PLXNB2: variants seen among roughly 807,000 people sequenced by gnomAD.
The protein encoded by PLXNB2 is plexin B2, also known as plexin-B2.
Under a neutral mutation model 202.6 loss-of-function variants are expected in PLXNB2, and 85 were observed. The observed-to-expected ratio is 0.42, with a 90% CI of 0.35 to 0.50. PLXNB2 has a LOEUF of 0.50. Ranked by LOEUF, PLXNB2 falls within the 20% of genes least tolerant of loss-of-function variation. The pLI, the probability that PLXNB2 is intolerant of heterozygous loss-of-function variation, is 0.02. For missense variants in PLXNB2, 2,063 were observed against 2,586.2 expected (o/e 0.80, Z 4.39); for synonymous variants, 1,239 against 1,137.6 (o/e 1.09, Z -1.79).
At position 50,307,634 on chromosome 22, in the gene PLXNB2, G is replaced by T. The variant is rs866059344; in HGVS notation, c.-155C>A. Reference sequence around the variant, plus strand: ...TGGCCCGCGCTGCTGCCATGGAGACGGGGCCTTTGTGTGGCCGAGGAGGGG... The same window carrying T: ...TGGCCCGCGCTGCTGCCATGGAGACTGGGCCTTTGTGTGGCCGAGGAGGGG... On this transcript the variant is annotated 5_prime_UTR_variant, in exon 1 of 37. Transcript: ENST00000359337. 2 of 981,534 alleles carry T rather than the reference G, an allele frequency of 2.0e-6. No homozygotes were observed. The highest frequency in any genetic ancestry group is 2.4e-6 in the Non-Finnish European group (2 of 828,390). The allele number at this position is 981,534 out of a possible 1,614,324, so 60.8% of individuals were successfully genotyped here.
rs370864073 is a variant in PLXNB2 at position 50,276,874 on chromosome 22, C to T, written c.5229G>A (p.Lys1743=). The change falls in exon 34 of 37, where the codon AAG becomes AAA. Residue 1743 remains lysine (K), a synonymous_variant. Transcript: ENST00000359337. The part of the protein sequence containing the change: ...DSPSNKLLYA[K]EISTYKKMVE... ...CCATCTTCTTGTAGGTGGAGATCTC[C>T]TTGGCGTACAGCAGCTTGTTGCTGG... The T allele has an allele frequency of 3.7e-6, 6 of 1,604,598 alleles. No homozygotes were observed. Among genetic ancestry groups the T allele is most frequent in the Non-Finnish European group, 5.1e-6 (6 of 1,175,514 alleles).
Position 50,283,607 on chromosome 22 carries a change from G to A in PLXNB2, c.2565C>T (p.Ser855=), listed in dbSNP as rs367824090. The A allele has an allele frequency of 1.2e-4, 197 of 1,612,476 alleles. No individual in the cohort carries two copies. Among genetic ancestry groups the A allele is most frequent in the Non-Finnish European group, 1.5e-4 (178 of 1,179,888 alleles). ...CSFQPERYSV[S]TRIVCVIEAA... ...GACCAGGGCCGTCCACTCACCGGGTGGACACGGAGTAACGTTCCGGCTGAA... is the reference window on the plus strand; with the variant it reads ...GACCAGGGCCGTCCACTCACCGGGTAGACACGGAGTAACGTTCCGGCTGAA... Residue 855 remains serine, a synonymous_variant, in exon 15 of 37, where the codon TCC becomes TCT. Coordinates refer to ENST00000359337, the MANE Select transcript of PLXNB2 (RefSeq NM_012401.4).
Position 50,294,708 on chromosome 22 carries a change from G to T in PLXNB2, c.-14+11C>A, listed in dbSNP as rs958589289. On this transcript the variant is annotated intron_variant, in intron 2 of 36. Coordinates refer to ENST00000359337, the MANE Select transcript of PLXNB2 (RefSeq NM_012401.4). ...CAGCCACCCACTGCCTTTCCCAGGT[G>T]GGGTACAGACCCCTCACCGAGGCTC... 1.0e-6 allele frequency: 1 copy of T among 983,158 alleles called. No homozygotes were observed. The highest frequency in any genetic ancestry group is 1.1e-4 in the East Asian group (1 of 8,820). The allele number at this position is 983,158 out of a possible 1,614,324, so 60.9% of individuals were successfully genotyped here.
Position 50,288,051 on chromosome 22 carries a change from GC to G in PLXNB2, c.1381-15del, listed in dbSNP as rs1274912966. On this transcript the variant is annotated splice_polypyrimidine_tract_variant and intron_variant, in intron 5 of 36. Transcript: ENST00000359337. This position sits in a 1 kb window ranked among gnomAD's most constrained non-coding sequence, Gnocchi z 5.0. ...CAGCCGGAACACCTAGGGCAGCGGG[GC>G]CGTGAGTGGGACCACAGCAGAGGCC... is the stretch of plus-strand genomic sequence containing the variant. 1 of 1,545,378 alleles carries G rather than the reference GC, an allele frequency of 6.5e-7. No individual in the cohort carries two copies. Among genetic ancestry groups the G allele is most frequent in the African/African-American group, 1.4e-5 (1 of 72,924 alleles).
Position 50,289,549 on chromosome 22 carries a change from G to C in PLXNB2, c.1036C>G (p.His346Asp). ...TGGCCGCCGCACTGGATATCGCCGT[G>C]GAAGGGCTTGTAGAAGATGTCACGG... ...EARDIFYKPFHGDIQCGGHAP... is the reference protein window; with the variant it reads ...EARDIFYKPFDGDIQCGGHAP... Residue 346 changes from histidine (H) to aspartate (D), a missense_variant, in exon 3 of 37, where the codon CAC becomes GAC. Transcript: ENST00000359337. This position sits in a 1 kb window ranked among gnomAD's most constrained non-coding sequence, Gnocchi z 8.0. 6.2e-7 allele frequency: 1 copy of C among 1,611,896 alleles called. No homozygotes were observed. The highest frequency in any genetic ancestry group is 8.5e-7 in the Non-Finnish European group (1 of 1,179,790).
chr22:50,303,705 C>G (rs2067790102), intron 1 of PLXNB2, among the ~76,000 whole-genome samples: 1 of 152,238 alleles, frequency 6.6e-6, no homozygotes, highest in Non-Finnish European at 1.5e-5. Context: ...CAGGGCCCCC[C>G]ATGGAAGCTG....
In PLXNB2 at chr22:50,290,558, G is replaced by T. The variant is rs780833342; in HGVS notation, c.27C>A (p.Thr9=). MALQLWAL[T]LLGLLGAGAS... ...CACCTGCGCCCAGCAGGCCCAGCAG[G>T]GTCAGGGCCCAGAGCTGCAGTGCCA... Residue 9 remains threonine (T), a synonymous_variant, in exon 3 of 37, where the codon ACC becomes ACA. Coordinates refer to ENST00000359337, the MANE Select transcript of PLXNB2 (RefSeq NM_012401.4). 14 of 1,610,464 alleles carry T rather than the reference G, an allele frequency of 8.7e-6. No homozygotes were observed. The highest frequency in any genetic ancestry group is 5.0e-5 in the Admixed American group (3 of 59,880).
Position 50,277,893 on chromosome 22 carries a change from T to C in PLXNB2, c.5008A>G (p.Ile1670Val), listed in dbSNP as rs1326950017. 1.2e-6 allele frequency: 2 copies of C among 1,613,096 alleles called. No homozygotes were observed. The highest frequency in any genetic ancestry group is 2.7e-5 in the African/African-American group (2 of 75,048). ...FLDEQAEKHN[I>V]QDEDTIHIWK... ...ATGTGGATGGTGTCTTCATCCTGGA[T>C]GTTGTGCTTCTCTGCCTGCTCGTCC... is the stretch of plus-strand genomic sequence containing the variant. The change falls in exon 32 of 37, where the codon ATC becomes GTC. Residue 1670 changes from isoleucine to valine, a missense_variant. Transcript: ENST00000359337.
chr22:50,286,321 C>A (rs369395424), intron 8 of PLXNB2, 34 bp from the exon 9 acceptor site: 3 of 1,524,310 alleles, frequency 2.0e-6, no homozygotes, highest in Non-Finnish European at 1.8e-6. Context: ...GTCAAGGTGG[C>A]GGCCGCAGGG....
At position 50,307,542 on chromosome 22, in the gene PLXNB2, G is replaced by C. The variant is rs561023386; in HGVS notation, c.-74+11C>G. The C allele has an allele frequency of 4.2e-4, 412 of 981,212 alleles. No homozygotes were observed. Among genetic ancestry groups the C allele is most frequent in the Middle Eastern group, 5.3e-4 (1 of 1,904 alleles). The allele number at this position is 981,212 out of a possible 1,614,324, so 60.8% of individuals were successfully genotyped here. A position where few individuals can be genotyped will look rare whatever the true frequency, so the allele number is the denominator to read the frequency against. ...GACGTCCCCCGCAGCCCAGTCCCCCGAGCTCGGTACCTGCACGTCCGCCGC... is the reference window on the plus strand; with the variant it reads ...GACGTCCCCCGCAGCCCAGTCCCCCCAGCTCGGTACCTGCACGTCCGCCGC... On this transcript the variant is annotated intron_variant, in intron 1 of 36. Transcript: ENST00000359337.
In PLXNB2 at chr22:50,288,731, C is replaced by T. The variant is rs778899723; in HGVS notation, c.1380+12G>A. The T allele has an allele frequency of 1.6e-5, 25 of 1,612,292 alleles. No homozygotes were observed. The highest frequency in any genetic ancestry group is 1.7e-4 in the Middle Eastern group (1 of 5,926). On this transcript the variant is annotated intron_variant, in intron 5 of 36. Coordinates refer to ENST00000359337, the MANE Select transcript of PLXNB2 (RefSeq NM_012401.4). The surrounding 1 kb of genome is among the most constrained non-coding windows in gnomAD (Gnocchi z 5.0). ...TGGCCTAGAGTGCTCTCCGGGGCTG[C>T]GTCTGGCTCACCTTGTCCTGGGTCA...
intron 35 of PLXNB2, 50 bp from the exon 36 acceptor site, chr22:50,276,013 A>C: frequency 6.5e-7 from 1 of 1,527,136 alleles, no homozygotes; most frequent in Non-Finnish European, 9.1e-7. Flanking sequence ...TGGGAGCCCC[A>C]GGGCTGGCAG....
rs755422618 is a variant in PLXNB2, at chr22:50,282,691, C to CG, written c.2987+19dup. ...GCTGGGTGTGGGGAGCAGAGGGGGGCGGGGGGACACCAGCCTCACCTGGCA... is the reference window on the plus strand; with the variant it reads ...GCTGGGTGTGGGGAGCAGAGGGGGGCGGGGGGGACACCAGCCTCACCTGGCA... On this transcript the variant is annotated intron_variant, in intron 18 of 36. Transcript: ENST00000359337. The CG allele has an allele frequency of 3.9e-6, 6 of 1,557,150 alleles. No individual in the cohort carries two copies. Among genetic ancestry groups the CG allele is most frequent in the Non-Finnish European group, 5.3e-6 (6 of 1,140,734 alleles).
At chr22:50,277,781 G>A (rs371200732) in intron 32 of PLXNB2, 43 bp from the exon 33 acceptor site, 45 of 1,597,644 alleles carry the variant, frequency 2.8e-5, no homozygotes, top group Middle Eastern at 1.7e-4. Flanking sequence ...GCTGGGCCGC[G>A]GGGTGGGTGT....
chr22:50,279,123 A>G, intron 27 of PLXNB2, 112 bp from the exon 28 acceptor site: 1 of 1,141,416 alleles, frequency 8.8e-7, no homozygotes, highest in Non-Finnish European at 1.2e-6. Flanking sequence ...ACCCTTGGGC[A>G]GCAGGCCCCC....
In PLXNB2 at chr22:50,282,884, G is replaced by A; in HGVS notation, c.2817-3C>T. ...GGAGCTGCGCCCCAAACTTCGTCCT[G>A]GGGGAGGGAGGGTGCTGGTCTGCAT... On this transcript the variant is annotated splice_region_variant and splice_polypyrimidine_tract_variant and intron_variant, in intron 17 of 36. Coordinates refer to ENST00000359337, the MANE Select transcript of PLXNB2 (RefSeq NM_012401.4). 6.2e-7 allele frequency: 1 copy of A among 1,606,392 alleles called. No individual in the cohort carries two copies. Among genetic ancestry groups the A allele is most frequent in the Non-Finnish European group, 8.5e-7 (1 of 1,175,662 alleles).
chr22:50,281,267 G>T, intron 22 of PLXNB2, 78 bp from the exon 23 acceptor site: 1 of 1,570,274 alleles, frequency 6.4e-7, no homozygotes, highest in Non-Finnish European at 8.7e-7. Flanking sequence ...GGATCTACAC[G>T]CCTGCCTGTG....
rs545845254 is a variant in PLXNB2, at chr22:50,297,038, A to G, written c.-73-2260T>C. Among the ~76,000 whole-genome samples the G allele has an allele frequency of 2.6e-5, 4 of 152,266 alleles. No homozygotes were observed. Among genetic ancestry groups the G allele is most frequent in the South Asian group, 2.1e-4 (1 of 4,824 alleles). On this transcript the variant is annotated intron_variant, in intron 1 of 36. Transcript: ENST00000359337. This position sits in a 1 kb window ranked among gnomAD's most constrained non-coding sequence, Gnocchi z 5.3. ...CCTGAGACTCAACAGCACCTTTGTG[A>G]AAAGGGCAAAAGGCTGCTCCTCTGG...
At position 50,282,850 on chromosome 22, in the gene PLXNB2, T is replaced by C. The variant is rs1166985607; in HGVS notation, c.2848A>G (p.Thr950Ala). ...TGGCCCCGTGTCGCCTGGGGGCCAG[T>C]GACACACTGGAGCTGCGCCCCAAAC... ...TKFGAQLQCVTGPQATRGQML... is the reference protein window; with the variant it reads ...TKFGAQLQCVAGPQATRGQML... The change falls in exon 18 of 37, where the codon ACT (threonine) becomes GCT (alanine). Residue 950 changes from threonine (T) to alanine (A), a missense_variant. Thr to Ala is a moderately conservative substitution (Grantham distance 58). Transcript: ENST00000359337. 1 of 1,612,076 alleles carries C rather than the reference T, an allele frequency of 6.2e-7. No homozygotes were observed. Among genetic ancestry groups the C allele is most frequent in the South Asian group, 1.1e-5 (1 of 91,036 alleles).
Sources: gnomAD v4.1 joint callset for allele counts (sites outside exome capture counted in the v4.1 genomes callset) on GRCh38, gnomAD v4.1.1 for gene constraint, Gnocchi (gnomAD v3.1) non-coding constraint, MANE v1.5 for transcripts, NCBI Gene and HGNC (gene_info 2026-07-23, HGNC 2026-07-21) for gene names.